The following KIF26B variants were observed in gnomAD, a reference collection of about 807,000 sequenced individuals.
The protein encoded by KIF26B is kinesin-like protein KIF26B.
In KIF26B, 63 loss-of-function variants were observed where a neutral mutation model predicts 151.2. The ratio of observed to expected loss-of-function variants is 0.42; its 90% CI spans 0.34 to 0.51. The LOEUF is 0.51. KIF26B is among the 20% of genes least tolerant of loss of function. The pLI is 0.07. For missense variants in KIF26B, 2,813 were observed against 2,913.6 expected (o/e 0.97, Z 0.79); for synonymous variants, 1,357 against 1,262.1 (o/e 1.08, Z -1.59).
intron 10 of KIF26B, among the ~76,000 whole-genome samples, chr1:245,657,897 A>G (rs1173327883): frequency 6.6e-6 from 1 of 152,182 alleles, no homozygotes; most frequent in Non-Finnish European, 1.5e-5. Context: ...TAGAATGACA[A>G]AAAATCTGTG....
At chr1:245,158,838 TTGTGTG>T (rs10656316) in intron 2 of KIF26B, among the ~76,000 whole-genome samples, 12 of 148,936 alleles carry the variant, frequency 8.1e-5, no homozygotes, top group African/African-American at 2.7e-4. Context: ...TGAATAATAA[TTGTGTG>T]TGTGTGTGTG....
chr1:245,348,743 C>T lies in KIF26B; in HGVS notation c.466-18091C>T, dbSNP rs185312110. On this transcript the variant is annotated intron_variant, in intron 2 of 14. Transcript: ENST00000407071. Reference sequence around the variant, plus strand: ...CGGTCTCTCTGGCCTCATGTCCAACCATCTCCCCTCCTCATTCATCCCACT... The same window carrying T: ...CGGTCTCTCTGGCCTCATGTCCAACTATCTCCCCTCCTCATTCATCCCACT... 3.3e-4 allele frequency among the ~76,000 whole-genome samples: 51 copies of T among 152,262 alleles called. 1 individual carries two copies. The Middle Eastern group carries it at 0.01, about 30-fold the overall frequency.
intron 2 of KIF26B, among the ~76,000 whole-genome samples, chr1:245,229,595 A>G (rs556415261): frequency 6.6e-6 from 1 of 152,218 alleles, no homozygotes; most frequent in South Asian, 2.1e-4. Context: ...CATTAATCTG[A>G]TGTATACTCA....
At chr1:245,310,051 A>C (rs1671637052) in intron 2 of KIF26B, among the ~76,000 whole-genome samples, 1 of 147,670 alleles carries the variant, frequency 6.8e-6, no homozygotes, top group Admixed American at 6.8e-5. Context: ...TAGTTGTAAC[A>C]TTATAATATA....
At chr1:245,532,794 C>T (rs1661403498) in intron 4 of KIF26B, among the ~76,000 whole-genome samples, 2 of 152,074 alleles carry the variant, frequency 1.3e-5, no homozygotes, top group South Asian at 4.2e-4. Flanking sequence ...GCCCCATATG[C>T]TTTTCAATCT....
intron 5 of KIF26B, among the ~76,000 whole-genome samples, chr1:245,562,158 C>A (rs1040710135): frequency 6.6e-6 from 1 of 152,064 alleles, no homozygotes. Context: ...TGCTAGTGGT[C>A]CCTTCAGAGA....
chr1:245,379,411 A>G (rs893752649), intron 3 of KIF26B, among the ~76,000 whole-genome samples: 1 of 152,062 alleles, frequency 6.6e-6, no homozygotes, highest in Non-Finnish European at 1.5e-5. Flanking sequence ...AATAACCCAA[A>G]CAAGTCAAAC....
At chr1:245,378,683 G>A (rs569500795) in intron 3 of KIF26B, among the ~76,000 whole-genome samples, 2 of 152,296 alleles carry the variant, frequency 1.3e-5, no homozygotes, top group Admixed American at 1.3e-4. Context: ...TCATTTTAAT[G>A]ACAAAGAAAA....
chr1:245,273,832 T>A (rs987045687), intron 2 of KIF26B, among the ~76,000 whole-genome samples: 8 of 152,180 alleles, frequency 5.3e-5, no homozygotes, highest in African/African-American at 1.9e-4. Context: ...CTGTATGTCT[T>A]CTGATTGAGG....
chr1:245,414,934 GA>G (rs747804492), intron 3 of KIF26B, among the ~76,000 whole-genome samples: 1 of 152,072 alleles, frequency 6.6e-6, no homozygotes, highest in African/African-American at 2.4e-5. Context: ...GAAGGAAGGG[GA>G]AAAAAACGGG....
intron 2 of KIF26B, among the ~76,000 whole-genome samples, chr1:245,213,947 A>G (rs566267219): frequency 5.9e-5 from 9 of 152,158 alleles, no homozygotes; most frequent in Non-Finnish European, 1.3e-4. Context: ...TTCCCATGAC[A>G]TTATTGTTTC....
intron 3 of KIF26B, among the ~76,000 whole-genome samples, chr1:245,374,875 G>A (rs929242218): frequency 6.6e-6 from 1 of 152,152 alleles, no homozygotes; most frequent in African/African-American, 2.4e-5. Context: ...GGATGGGGCC[G>A]TGGTCTGAAG....
rs1342757038 is a variant in KIF26B, at chr1:245,560,608, C to T, written c.1350+19658C>T. Among the ~76,000 whole-genome samples, 2 of 152,088 alleles carry T rather than the reference C, an allele frequency of 1.3e-5. No individual in the cohort carries two copies. Among genetic ancestry groups the T allele is most frequent in the Non-Finnish European group, 2.9e-5 (2 of 68,018 alleles). On this transcript the variant is annotated intron_variant, in intron 5 of 14. Transcript: ENST00000407071. This position sits in a 1 kb window ranked among gnomAD's most constrained non-coding sequence, Gnocchi z 4.3. ...AGTGTGGAGGTTGAAAACATCTCAG[C>T]GCACTTCACGGAGGTTCTCAGAGAC...
intron 3 of KIF26B, among the ~76,000 whole-genome samples, chr1:245,404,368 G>A (rs571512558): frequency 6.6e-6 from 1 of 152,272 alleles, no homozygotes; most frequent in South Asian, 2.1e-4. Context: ...AGATATGGAA[G>A]AGATGAACTC....
At chr1:245,380,955 G>GGAAAAA (rs1431076495) in intron 3 of KIF26B, among the ~76,000 whole-genome samples, 2 of 77,932 alleles carry the variant, frequency 2.6e-5, no homozygotes. Context: ...CCAAAAAGAT[G>GGAAAAA]AAAAAAAAAA....
intron 5 of KIF26B, among the ~76,000 whole-genome samples, chr1:245,561,477 C>G (rs2042950308): frequency 3.9e-5 from 6 of 152,218 alleles, no homozygotes; most frequent in Admixed American, 3.9e-4. Context: ...CACTTCTTAC[C>G]TGTAATTCTG....
At position 245,512,590 on chromosome 1, in the gene KIF26B, C is replaced by G. The variant is rs1660860925; in HGVS notation, c.1167-28177C>G. ...GGCACCCGAGGGGATCAGCCTAAAC[C>G]CAAATGAAATCCCCAAACTCCACTC... On this transcript the variant is annotated intron_variant, in intron 4 of 14. Transcript: ENST00000407071. This position sits in a 1 kb window ranked among gnomAD's most constrained non-coding sequence, Gnocchi z 4.3. Among the ~76,000 whole-genome samples, 1 of 152,134 alleles carries G rather than the reference C, an allele frequency of 6.6e-6. No homozygotes were observed.
chr1:245,419,730 C>G lies in KIF26B; in HGVS notation c.1151C>G (p.Ala384Gly). 1 of 1,612,106 alleles carries G rather than the reference C, an allele frequency of 6.2e-7. No individual in the cohort carries two copies. Among genetic ancestry groups the G allele is most frequent in the Non-Finnish European group, 8.5e-7 (1 of 1,179,044 alleles). ...ACTTCCACAGGCACATCGGTGGCCG[C>G]CTCCTTCTTTGCACGGTAAGAGAGC... Reference protein sequence around the residue: ...SETSTGTSVAASFFARAAQKL... With the variant: ...SETSTGTSVAGSFFARAAQKL... The change falls in exon 4 of 15, where the codon GCC becomes GGC. Residue 384 changes from alanine (A) to glycine (G), a missense_variant. Ala to Gly is a moderately conservative substitution (Grantham distance 60). Transcript: ENST00000407071.
At chr1:245,507,937 A>T (rs1660756961) in intron 4 of KIF26B, among the ~76,000 whole-genome samples, 1 of 152,048 alleles carries the variant, frequency 6.6e-6, no homozygotes, top group South Asian at 2.1e-4. Context: ...TTTAGTGACC[A>T]TTTTCATACA....
Sources: allele counts gnomAD v4.1 joint callset (sites outside exome capture counted in the v4.1 genomes callset), GRCh38; gene constraint gnomAD v4.1.1; non-coding constraint Gnocchi (gnomAD v3.1); transcripts MANE v1.5; gene names NCBI Gene and HGNC (gene_info 2026-07-23, HGNC 2026-07-21).